The following MCCC1 variants were observed in gnomAD, a reference collection of about 807,000 sequenced individuals.
MCCC1 encodes methylcrotonyl-CoA carboxylase subunit 1, also known as methylcrotonoyl-CoA carboxylase subunit alpha, mitochondrial.
Under a neutral mutation model 83.8 loss-of-function variants are expected in MCCC1, and 64 were observed. The observed-to-expected ratio is 0.76, with a 90% CI of 0.62 to 0.94. The LOEUF is 0.94. Among genes scored for constraint, MCCC1 ranks in the 40% least tolerant of loss-of-function variants. The pLI is 0.00. For missense variants in MCCC1, 807 were observed against 904.7 expected, an observed-to-expected ratio of 0.89 and a Z score of 1.39; for synonymous variants, 322 against 315.4, an observed-to-expected ratio of 1.02 and a Z score of -0.22.
At chr3:183,102,471 A>C (rs986232834), upstream of MCCC1, among the ~76,000 whole-genome samples, 2 of 152,198 alleles carry the variant, frequency 1.3e-5, no homozygotes, top group African/African-American at 4.8e-5. Flanking sequence ...ATTCACTATT[A>C]AGAAATCAAT....
intron 1 of MCCC1, 178 bp downstream of exon 1, chr3:183,099,174 G>T: frequency 1.5e-6 from 1 of 672,234 alleles, no homozygotes; most frequent in Non-Finnish European, 2.6e-6. Flanking sequence ...AAGGGCTGGT[G>T]GGGATGTCTT....
At chr3:183,045,823 G>T (rs530499112) in intron 9 of MCCC1, among the ~76,000 whole-genome samples, 13 of 152,238 alleles carry the variant, frequency 8.5e-5, no homozygotes, top group Non-Finnish European at 1.6e-4. Flanking sequence ...AACAAGGGTG[G>T]ACCACATGTT....
intron 1 of MCCC1, among the ~76,000 whole-genome samples, chr3:183,097,248 A>G (rs1393179274): frequency 1.3e-5 from 2 of 148,980 alleles, no homozygotes; most frequent in Non-Finnish European, 3.0e-5. Flanking sequence ...CTCCGTCTCA[A>G]AAAAAAAAAA....
At chr3:183,062,412 T>C (rs1288273012) in intron 7 of MCCC1, among the ~76,000 whole-genome samples, 3 of 147,376 alleles carry the variant, frequency 2.0e-5, no homozygotes, top group Non-Finnish European at 3.0e-5. Context: ...TGGAGTGTAG[T>C]GGTGCAATCT....
At chr3:183,041,400 T>C (rs1029436711) in intron 11 of MCCC1, among the ~76,000 whole-genome samples, 167 bp downstream of exon 11, 2 of 152,176 alleles carry the variant, frequency 1.3e-5, no homozygotes, top group African/African-American at 2.4e-5. Flanking sequence ...TCTTTAAAAA[T>C]AACAATTCCA....
At chr3:183,083,745 T>C (rs1717686918) in intron 4 of MCCC1, among the ~76,000 whole-genome samples, 1 of 152,164 alleles carries the variant, frequency 6.6e-6, no homozygotes, top group Non-Finnish European at 1.5e-5. Context: ...AAGTGGATTT[T>C]CAATTCTTCA....
At position 183,064,777 on chromosome 3, in the gene MCCC1, C is replaced by G. The variant is rs906318651; in HGVS notation, c.761+6222G>C. 6.6e-6 allele frequency among the ~76,000 whole-genome samples: 1 copy of G among 152,214 alleles called. No homozygotes were observed. The highest frequency in any genetic ancestry group is 6.5e-5 in the Admixed American group (1 of 15,284). On this transcript the variant is annotated intron_variant, in intron 7 of 18. Transcript: ENST00000265594. This position sits in a 1 kb window ranked among gnomAD's most constrained non-coding sequence, Gnocchi z 4.5. Reference sequence around the variant, plus strand: ...AGCGGGTAATGTAGGGGTGCAGCACCGGCAGGAGGCGCCTCAGAGCCATGG... The same window carrying G: ...AGCGGGTAATGTAGGGGTGCAGCACGGGCAGGAGGCGCCTCAGAGCCATGG...
At chr3:183,088,214 T>G (rs1290900215) in intron 3 of MCCC1, among the ~76,000 whole-genome samples, 1 of 151,410 alleles carries the variant, frequency 6.6e-6, no homozygotes, top group Non-Finnish European at 1.5e-5. Context: ...TTGTGTGTTT[T>G]TTTTTTTTTT....
At position 183,017,499 on chromosome 3, in the gene MCCC1, AAC is replaced by A. The variant is rs201966217; in HGVS notation, c.1978-164_1978-163del. ...AAACATAAATAAAAAGAAAAAAAAC[AAC>A]ACAGAGGTCCTTTGTGGTCCACAGA... On this transcript the variant is annotated intron_variant, in intron 17 of 18. Coordinates refer to ENST00000265594, the MANE Select transcript of MCCC1 (RefSeq NM_020166.5). 1.4e-3 allele frequency: 942 copies of A among 674,290 alleles called. 5 individuals are homozygous for A. The African/African-American group carries it at 0.015, about 11-fold the overall frequency. The allele number at this position is 674,290 out of a possible 1,614,324, so 41.8% of individuals were successfully genotyped here.
chr3:183,034,232 T>C (rs539814611), intron 13 of MCCC1, among the ~76,000 whole-genome samples, 155 bp from the exon 14 acceptor site: 42 of 152,116 alleles, frequency 2.8e-4, no homozygotes, highest in Middle Eastern at 3.4e-3. Flanking sequence ...GGGCGGATCA[T>C]GAGGTCAGGA....
chr3:183,101,232 C>T (rs188955432), upstream of MCCC1, among the ~76,000 whole-genome samples: 1,076 of 152,370 alleles, frequency 7.1e-3, 16 homozygotes, highest in African/African-American at 0.025. Context: ...GCGCCACCCC[C>T]TGCTCCACGG....
chr3:183,055,696 G>A (rs1715368077), intron 8 of MCCC1, among the ~76,000 whole-genome samples: 1 of 151,954 alleles, frequency 6.6e-6, no homozygotes, highest in African/African-American at 2.4e-5. Flanking sequence ...AGAAGTTTGA[G>A]ACCAGCGTGG....
chr3:183,062,508 C>A (rs935714481), intron 7 of MCCC1, among the ~76,000 whole-genome samples: 2 of 152,026 alleles, frequency 1.3e-5, no homozygotes, highest in Admixed American at 1.3e-4. Context: ...GCACACACCA[C>A]CATGCCTGGC....
At chr3:183,107,924 T>C (rs941611382) in intron 1 of MCCC1, among the ~76,000 whole-genome samples, 2 of 152,176 alleles carry the variant, frequency 1.3e-5, no homozygotes, top group Admixed American at 6.5e-5. Flanking sequence ...TTTTGTACAA[T>C]ATCCTTGAAT....
chr3:183,095,768 G>A (rs1365636682), intron 1 of MCCC1, among the ~76,000 whole-genome samples: 2 of 152,072 alleles, frequency 1.3e-5, no homozygotes, highest in Non-Finnish European at 2.9e-5. Flanking sequence ...GGGCTTCAGT[G>A]TTCTCACACA....
intron 14 of MCCC1, among the ~76,000 whole-genome samples, chr3:183,026,305 G>A (rs1304642492): frequency 6.6e-6 from 1 of 152,210 alleles, no homozygotes; most frequent in Admixed American, 6.5e-5. Flanking sequence ...GCCTCCCAAA[G>A]TGCTAGAATT....
chr3:183,063,976 C>A (rs1455210196), intron 7 of MCCC1, among the ~76,000 whole-genome samples: 1 of 152,090 alleles, frequency 6.6e-6, no homozygotes, highest in Non-Finnish European at 1.5e-5. Context: ...GGGTTAAAGA[C>A]CCCTCTCAAT....
intron 12 of MCCC1, among the ~76,000 whole-genome samples, chr3:183,038,446 CT>C (rs967934581): frequency 7.2e-5 from 11 of 152,050 alleles, no homozygotes; most frequent in African/African-American, 2.7e-4. Context: ...GAGACCAGAG[CT>C]TTGATCAATT....
intron 15 of MCCC1, among the ~76,000 whole-genome samples, chr3:183,024,211 T>C (rs1431673072): frequency 3.3e-5 from 5 of 151,920 alleles, no homozygotes; most frequent in Admixed American, 2.6e-4. Flanking sequence ...GATCATGCCA[T>C]TGCACTCCAG....
Sources: gnomAD v4.1 joint callset for allele counts (sites outside exome capture counted in the v4.1 genomes callset) on GRCh38, gnomAD v4.1.1 for gene constraint, Gnocchi (gnomAD v3.1) non-coding constraint, MANE v1.5 for transcripts, NCBI Gene and HGNC (gene_info 2026-07-23, HGNC 2026-07-21) for gene names.